Variants in GPC5 observed in about 807,000 individuals in gnomAD.
GPC5 encodes the protein glypican-5.
Under a neutral mutation model 53.9 loss-of-function variants are expected in GPC5, and 47 were observed. That is an observed-to-expected ratio of 0.87 (90% CI 0.69 to 1.11). The LOEUF is 1.11. Among genes scored for constraint, GPC5 ranks in the 50% most tolerant of loss-of-function variants. GPC5 has a pLI of 0.00. For missense variants in GPC5, 748 were observed against 713.1 expected (o/e 1.05, Z -0.56); for synonymous variants, 286 against 263.3 (o/e 1.09, Z -0.84).
At chr13:91,944,268 T>C (rs1013035156) in intron 6 of GPC5, among the ~76,000 whole-genome samples, 1 of 152,010 alleles carries the variant, frequency 6.6e-6, no homozygotes, top group Non-Finnish European at 1.5e-5. Context: ...GCTAATTTTT[T>C]TGTATTTTTA....
At chr13:92,157,101 A>G (rs975444304) in intron 7 of GPC5, among the ~76,000 whole-genome samples, 21 of 152,314 alleles carry the variant, frequency 1.4e-4, no homozygotes, top group African/African-American at 4.8e-4. Flanking sequence ...TCATACTTGC[A>G]CCAGCACTCC....
chr13:92,778,289 C>T (rs1184615674), intron 7 of GPC5, among the ~76,000 whole-genome samples: 3 of 151,976 alleles, frequency 2.0e-5, no homozygotes, highest in South Asian at 2.1e-4. Flanking sequence ...TACTTCATAA[C>T]GTGGTTTATA....
chr13:92,112,861 T>C (rs2041569342), intron 6 of GPC5, among the ~76,000 whole-genome samples: 9 of 152,106 alleles, frequency 5.9e-5, no homozygotes. Context: ...TCCTGATAGC[T>C]AAGGAGAAAG....
At chr13:92,676,145 G>A (rs117182458) in intron 7 of GPC5, among the ~76,000 whole-genome samples, 1 of 152,178 alleles carries the variant, frequency 6.6e-6, no homozygotes, top group East Asian at 1.9e-4. Context: ...AAATTTTGTT[G>A]ACCAAGACTA....
At chr13:92,587,117 T>A (rs9589591) in intron 7 of GPC5, among the ~76,000 whole-genome samples, 2,881 of 152,242 alleles carry the variant, frequency 0.019, 84 homozygotes, top group African/African-American at 0.053. Context: ...AGAAGATAAC[T>A]GTTATTGTAC....
chr13:91,631,279 C>T (rs1409605), intron 2 of GPC5, among the ~76,000 whole-genome samples: 131,712 of 152,132 alleles, frequency 0.87, 57,166 homozygotes, highest in East Asian at 0.99. Flanking sequence ...GTTACCTTCA[C>T]ACCTTAGGTT....
chr13:92,498,546 G>A (rs1327645003), intron 7 of GPC5, among the ~76,000 whole-genome samples: 1 of 152,054 alleles, frequency 6.6e-6, no homozygotes, highest in Non-Finnish European at 1.5e-5. Context: ...CCCTGGTTCT[G>A]GCTGGGACCA....
chr13:91,709,905 T>C (rs1019544091), intron 3 of GPC5, among the ~76,000 whole-genome samples: 1 of 152,206 alleles, frequency 6.6e-6, no homozygotes, highest in African/African-American at 2.4e-5. Context: ...TCTTTGTATC[T>C]GTCTGAAAAA....
chr13:91,565,561 A>T (rs903115996), intron 2 of GPC5, among the ~76,000 whole-genome samples: 2 of 152,220 alleles, frequency 1.3e-5, no homozygotes, highest in Non-Finnish European at 2.9e-5. Context: ...AGATCCAGGA[A>T]ATATTGAAGT....
chr13:92,115,350 T>C (rs2138934172), intron 6 of GPC5, among the ~76,000 whole-genome samples: 1 of 152,214 alleles, frequency 6.6e-6, no homozygotes, highest in Middle Eastern at 3.4e-3. Flanking sequence ...CTACTAAAAA[T>C]ACAAAATTAT....
intron 2 of GPC5, among the ~76,000 whole-genome samples, chr13:91,521,110 G>A (rs1292826088): frequency 6.6e-6 from 1 of 152,200 alleles, no homozygotes; most frequent in Admixed American, 6.6e-5. Context: ...GTGGAACAGG[G>A]CCAAACCACT....
intron 7 of GPC5, among the ~76,000 whole-genome samples, chr13:92,647,141 C>T (rs1322330288): frequency 6.6e-6 from 1 of 151,984 alleles, no homozygotes; most frequent in Non-Finnish European, 1.5e-5. Flanking sequence ...TCACTAAGAC[C>T]TCAGCCTAAT....
chr13:92,781,516 A>C (rs1304781043), intron 7 of GPC5, among the ~76,000 whole-genome samples: 2 of 152,124 alleles, frequency 1.3e-5, no homozygotes, highest in East Asian at 1.9e-4. Flanking sequence ...GTAGATCTCT[A>C]GATAATATGG....
At chr13:92,385,483 T>TATACATAC in intron 7 of GPC5, among the ~76,000 whole-genome samples, 1 of 65,366 alleles carries the variant, frequency 1.5e-5, no homozygotes, top group Admixed American at 1.5e-4. Context: ...TATATACATA[T>TATACATAC]ATACACATAT....
At chr13:92,420,504 T>G (rs1419435766) in intron 7 of GPC5, among the ~76,000 whole-genome samples, 1 of 152,186 alleles carries the variant, frequency 6.6e-6, no homozygotes, top group Non-Finnish European at 1.5e-5. Flanking sequence ...TTTATTATAC[T>G]CTTTTAGCTA....
intron 7 of GPC5, among the ~76,000 whole-genome samples, chr13:92,695,797 A>T (rs951078691): frequency 3.3e-5 from 5 of 151,696 alleles, no homozygotes; most frequent in Non-Finnish European, 5.9e-5. Flanking sequence ...TGTTTGTGGC[A>T]CCTATCAACC....
intron 3 of GPC5, among the ~76,000 whole-genome samples, chr13:91,705,999 A>G (rs1460701061): frequency 6.6e-6 from 1 of 150,526 alleles, no homozygotes. Context: ...TCCTGCCTCA[A>G]CTTCCCTGGT....
At chr13:92,710,395 A>T (rs1378532002) in intron 7 of GPC5, among the ~76,000 whole-genome samples, 2 of 152,234 alleles carry the variant, frequency 1.3e-5, no homozygotes, top group African/African-American at 4.8e-5. Flanking sequence ...ATGGAAATAA[A>T]AGAAAAAAAG....
chr13:92,786,966 C>T (rs1045847165), intron 7 of GPC5, among the ~76,000 whole-genome samples: 3 of 152,218 alleles, frequency 2.0e-5, no homozygotes, highest in Non-Finnish European at 4.4e-5. Flanking sequence ...TAAAACTTCA[C>T]TTCATCCACT....
Sources: allele counts gnomAD v4.1 joint callset (sites outside exome capture counted in the v4.1 genomes callset), GRCh38; gene constraint gnomAD v4.1.1; transcripts MANE v1.5; gene names NCBI Gene and HGNC (gene_info 2026-07-23, HGNC 2026-07-21).